The following PBX4 variants were observed in gnomAD, a reference collection of about 807,000 sequenced individuals.
PBX4 encodes PBX homeobox 4, also known as pre-B-cell leukemia transcription factor 4.
In PBX4, 26 loss-of-function variants were observed where a neutral mutation model predicts 35.1. That is an observed-to-expected ratio of 0.74 (90% CI 0.54 to 1.03). PBX4 has a LOEUF of 1.03. Among genes scored for constraint, PBX4 ranks in the 50% least tolerant of loss-of-function variants. PBX4 has a pLI of 0.00. For missense variants in PBX4, 448 were observed against 504.3 expected (o/e 0.89, Z 1.07); for synonymous variants, 199 against 204.2 (o/e 0.97, Z 0.22).
chr19:19,569,062 T>C (rs2061363454), intron 5 of PBX4, among the ~76,000 whole-genome samples: 2 of 152,070 alleles, frequency 1.3e-5, no homozygotes, highest in African/African-American at 4.8e-5. Context: ...TGTTCCACAC[T>C]TTTTTTGTTT....
chr19:19,593,894 G>A (rs1157282603), intron 2 of PBX4, among the ~76,000 whole-genome samples: 1 of 151,896 alleles, frequency 6.6e-6, no homozygotes, highest in Admixed American at 6.6e-5. Flanking sequence ...GGGAGGCTGA[G>A]GCAGGAGGAT....
At position 19,599,323 on chromosome 19, in the gene PBX4, G is replaced by A; in HGVS notation, c.162C>T (p.Phe54=). The A allele has an allele frequency of 6.2e-7, 1 of 1,613,456 alleles. No individual in the cohort carries two copies. Among genetic ancestry groups the A allele is most frequent in the Non-Finnish European group, 8.5e-7 (1 of 1,179,626 alleles). Reference sequence around the variant, plus strand: ...TTTCCTTGATCTCACAGAGCACGCTGAACAGAGCAGGCTTCATCCGATGGC... The same window carrying A: ...TTTCCTTGATCTCACAGAGCACGCTAAACAGAGCAGGCTTCATCCGATGGC... ...LNCHRMKPAL[F]SVLCEIKEKT... Residue 54 remains phenylalanine, a synonymous_variant, in exon 2 of 8, where the codon TTC becomes TTT. Coordinates refer to ENST00000251203, the MANE Select transcript of PBX4 (RefSeq NM_025245.3).
chr19:19,592,067 G>A (rs1170589281), intron 2 of PBX4, among the ~76,000 whole-genome samples: 1 of 151,408 alleles, frequency 6.6e-6, no homozygotes, highest in Non-Finnish European at 1.5e-5. Context: ...TGAGGGAGGT[G>A]GGGGGGTGGT....
chr19:19,613,473 A>AAAAAAAAG (rs1485378512), intron 1 of PBX4, among the ~76,000 whole-genome samples: 1 of 143,384 alleles, frequency 7.0e-6, no homozygotes, highest in Non-Finnish European at 1.6e-5. Flanking sequence ...AAAAAAAAAA[A>AAAAAAAAG]GTAACTGGCT....
chr19:19,606,216 G>A (rs2061630503), intron 1 of PBX4: 1 of 152,234 alleles, frequency 6.6e-6, no homozygotes, highest in Admixed American at 6.5e-5. Flanking sequence ...CCATGGTTAT[G>A]TTGTTATCTA....
chr19:19,576,675 T>G (rs1001732785), intron 2 of PBX4, among the ~76,000 whole-genome samples: 25 of 152,120 alleles, frequency 1.6e-4, no homozygotes, highest in African/African-American at 6.0e-4. Context: ...TGGAATATAG[T>G]AGCATCATCA....
At chr19:19,571,454 G>A (rs1056849036) in intron 2 of PBX4, among the ~76,000 whole-genome samples, 6 of 152,198 alleles carry the variant, frequency 3.9e-5, no homozygotes, top group African/African-American at 1.2e-4. Context: ...TGGAAATGCC[G>A]TCCCAGCTCT....
chr19:19,584,025 T>C (rs1427888949), intron 2 of PBX4, among the ~76,000 whole-genome samples: 1 of 152,096 alleles, frequency 6.6e-6, no homozygotes, highest in Non-Finnish European at 1.5e-5. Context: ...GCCGAGATCA[T>C]GCCATTGCAC....
intron 1 of PBX4, among the ~76,000 whole-genome samples, chr19:19,604,509 T>G (rs553681337): frequency 6.7e-6 from 1 of 148,536 alleles, no homozygotes; most frequent in Admixed American, 6.7e-5. Flanking sequence ...AACTAAGATC[T>G]TTGTCTCTGA....
chr19:19,573,374 T>G (rs989583522), intron 2 of PBX4, among the ~76,000 whole-genome samples: 1 of 124,134 alleles, frequency 8.1e-6, no homozygotes, highest in African/African-American at 3.0e-5. Flanking sequence ...CACACACATA[T>G]AGGATAGTGT....
intron 2 of PBX4, among the ~76,000 whole-genome samples, chr19:19,588,587 C>A (rs566800944): frequency 6.6e-6 from 1 of 151,566 alleles, no homozygotes; most frequent in East Asian, 1.9e-4. Flanking sequence ...ATTTTTTCAT[C>A]TGAAGAAATG....
intron 1 of PBX4, among the ~76,000 whole-genome samples, chr19:19,616,880 C>G (rs983024339): frequency 6.6e-6 from 1 of 151,388 alleles, no homozygotes; most frequent in African/African-American, 2.4e-5. Context: ...GACTGGGTTT[C>G]ACCATGTTGG....
intron 1 of PBX4, among the ~76,000 whole-genome samples, chr19:19,601,592 C>T (rs1441018358): frequency 6.6e-6 from 1 of 152,150 alleles, no homozygotes; most frequent in Non-Finnish European, 1.5e-5. Context: ...GAGAGATTAA[C>T]CCGGATTATC....
At chr19:19,566,322 A>G (rs924071131) in intron 5 of PBX4, among the ~76,000 whole-genome samples, 1 of 152,274 alleles carries the variant, frequency 6.6e-6, no homozygotes, top group Middle Eastern at 3.4e-3. Flanking sequence ...GGGTGCCAGG[A>G]GCACTTCCCT....
chr19:19,588,566 C>T (rs1043133846), intron 2 of PBX4, among the ~76,000 whole-genome samples: 5 of 152,066 alleles, frequency 3.3e-5, no homozygotes, highest in African/African-American at 7.2e-5. Context: ...TGTGAGCCAC[C>T]GTGTGGCCCA....
At position 19,569,600 on chromosome 19, in the gene PBX4, C is replaced by G. The variant is rs780703465; in HGVS notation, c.633-16G>C. 1.2e-6 allele frequency: 2 copies of G among 1,612,084 alleles called. No individual in the cohort carries two copies. Among genetic ancestry groups the G allele is most frequent in the Admixed American group, 3.4e-5 (2 of 59,674 alleles). ...CCGCTTGCGCCTGCAAAAACAGCCG[C>G]CTTCGTAGGCATTAATATGCTGGGA... On this transcript the variant is annotated splice_polypyrimidine_tract_variant and intron_variant, in intron 4 of 7. Coordinates refer to ENST00000251203, the MANE Select transcript of PBX4 (RefSeq NM_025245.3).
intron 2 of PBX4, among the ~76,000 whole-genome samples, chr19:19,587,133 T>C (rs921426185): frequency 6.6e-6 from 1 of 151,770 alleles, no homozygotes; most frequent in African/African-American, 2.4e-5. Flanking sequence ...CCCTCACAAG[T>C]AGCTGGGATT....
At chr19:19,585,803 A>C (rs1250928893) in intron 2 of PBX4, among the ~76,000 whole-genome samples, 1 of 152,210 alleles carries the variant, frequency 6.6e-6, no homozygotes, top group Middle Eastern at 3.4e-3. Flanking sequence ...CTGCCCAAAA[A>C]ACACATTACT....
At chr19:19,611,909 G>A (rs2061664784) in intron 1 of PBX4, among the ~76,000 whole-genome samples, 1 of 152,084 alleles carries the variant, frequency 6.6e-6, no homozygotes, top group Non-Finnish European at 1.5e-5. Flanking sequence ...GGCTGAGGCA[G>A]GAGGACAGCT....
Sources: allele counts gnomAD v4.1 joint callset (sites outside exome capture counted in the v4.1 genomes callset), GRCh38; gene constraint gnomAD v4.1.1; transcripts MANE v1.5; gene names NCBI Gene and HGNC (gene_info 2026-07-23, HGNC 2026-07-21).